The following SHANK2 variants were observed in gnomAD, a reference collection of about 807,000 sequenced individuals.
SHANK2 encodes SH3 and multiple ankyrin repeat domains 2, also known as SH3 and multiple ankyrin repeat domains protein 2.
SHANK2 carries 43 observed loss-of-function variants against 133.7 expected under a neutral mutation model. The observed-to-expected ratio is 0.32, with a 90% CI of 0.25 to 0.41. The LOEUF (loss-of-function observed/expected upper bound fraction) is 0.41, where lower values mean the gene tolerates loss of function less well. SHANK2 is among the 10% of genes least tolerant of loss of function. The pLI, the probability that SHANK2 is intolerant of heterozygous loss-of-function variation, is 1.00. For synonymous variants in SHANK2, 1,017 were observed against 952.8 expected (o/e 1.07, Z -1.24); for missense variants, 1,994 against 2,235.8 (o/e 0.89, Z 2.18).
intron 14 of SHANK2, among the ~76,000 whole-genome samples, chr11:70,796,494 G>A (rs1947917656): frequency 6.6e-6 from 1 of 152,218 alleles, no homozygotes; most frequent in South Asian, 2.1e-4. Flanking sequence ...GAGGAGTGGT[G>A]GCTGCTCAGG....
At chr11:70,523,255 G>A (rs2135938077) in intron 17 of SHANK2, among the ~76,000 whole-genome samples, 1 of 152,330 alleles carries the variant, frequency 6.6e-6, no homozygotes, top group East Asian at 1.9e-4. Context: ...AATGCGACTG[G>A]TTACAAATAC....
At position 70,472,681 on chromosome 11, in the gene SHANK2, C is replaced by T. The variant is rs900396278; in HGVS notation, c.*188G>A. 3 of 638,896 alleles carry T rather than the reference C, an allele frequency of 4.7e-6. No individual in the cohort carries two copies. The highest frequency in any genetic ancestry group is 3.7e-5 in the South Asian group (2 of 54,454). The allele number at this position is 638,896 out of a possible 1,614,324, so 39.6% of individuals were successfully genotyped here. The stretch of plus-strand genomic sequence containing the variant: ...TGATAGAAACTGCCCAAGACACCCA[C>T]ATGGTGAGCCAGGGGTCTGAAGACC... On this transcript the variant is annotated 3_prime_UTR_variant, in exon 26 of 26. Coordinates refer to ENST00000601538, the MANE Select transcript of SHANK2 (RefSeq NM_012309.5). This position sits in a 1 kb window ranked among gnomAD's most constrained non-coding sequence, Gnocchi z 4.4.
At chr11:70,908,129 G>A in intron 10 of SHANK2, 1 of 266,778 alleles carries the variant, frequency 3.7e-6, no homozygotes. Flanking sequence ...TAATAAACTG[G>A]GAAGAAAAGT....
intron 17 of SHANK2, among the ~76,000 whole-genome samples, chr11:70,543,314 G>C (rs1033432839): frequency 6.6e-6 from 1 of 152,124 alleles, no homozygotes; most frequent in African/African-American, 2.4e-5. Flanking sequence ...CTGGTGGCTG[G>C]GGGTCCCTAG....
chr11:70,933,942 A>G (rs1565414306), intron 10 of SHANK2, among the ~76,000 whole-genome samples: 1 of 150,274 alleles, frequency 6.7e-6, no homozygotes, highest in African/African-American at 2.5e-5. Flanking sequence ...AACAAACAAA[A>G]CAACAACAGC....
At chr11:71,107,339 C>T (rs1375018660) in intron 6 of SHANK2, among the ~76,000 whole-genome samples, 4 of 152,136 alleles carry the variant, frequency 2.6e-5, no homozygotes, top group Non-Finnish European at 5.9e-5. Flanking sequence ...TCTGCCTTTG[C>T]TGGAGACCCT....
chr11:71,185,928 T>G (rs1555114409), intron 2 of SHANK2, among the ~76,000 whole-genome samples: 1 of 152,118 alleles, frequency 6.6e-6, no homozygotes. Context: ...ATTAACAGTC[T>G]TGCCTGTCTC....
chr11:71,107,487 A>G (rs1454467916), intron 6 of SHANK2, among the ~76,000 whole-genome samples: 2 of 152,172 alleles, frequency 1.3e-5, no homozygotes, highest in East Asian at 1.9e-4. Context: ...CATCGTGGGA[A>G]TATTTCAGAA....
chr11:70,783,839 G>C (rs1555045784), intron 14 of SHANK2, among the ~76,000 whole-genome samples: 1 of 152,216 alleles, frequency 6.6e-6, no homozygotes, highest in East Asian at 1.9e-4. Flanking sequence ...GCACCAAACA[G>C]GATCCTCCCA....
At chr11:70,524,922 T>C (rs1360339709) in intron 17 of SHANK2, among the ~76,000 whole-genome samples, 1 of 152,354 alleles carries the variant, frequency 6.6e-6, no homozygotes, top group East Asian at 1.9e-4. Context: ...TGGCAGGTCT[T>C]TGTGGAGTGT....
chr11:70,941,492 T>C (rs1298868687), intron 10 of SHANK2, among the ~76,000 whole-genome samples: 7 of 152,168 alleles, frequency 4.6e-5, no homozygotes, highest in African/African-American at 1.7e-4. Context: ...AAATTGTGTG[T>C]CCCCTCCCAA....
chr11:71,249,509 A>G (rs1284976912), intron 1 of SHANK2, among the ~76,000 whole-genome samples: 1 of 152,176 alleles, frequency 6.6e-6, no homozygotes, highest in East Asian at 1.9e-4. Flanking sequence ...GACTCCAGGT[A>G]CAACAGCCCC....
At chr11:70,579,224 G>A (rs1353308153) in intron 17 of SHANK2, among the ~76,000 whole-genome samples, 2 of 152,192 alleles carry the variant, frequency 1.3e-5, no homozygotes, top group Admixed American at 1.3e-4. Context: ...TGGGCGTGGG[G>A]CATCATATTT....
chr11:70,714,898 T>A (rs193101195), intron 14 of SHANK2, among the ~76,000 whole-genome samples: 1 of 152,158 alleles, frequency 6.6e-6, no homozygotes, highest in Non-Finnish European at 1.5e-5. Flanking sequence ...CTTGAACTTC[T>A]GGGCTCAAGC....
chr11:71,131,356 C>T (rs1363050313), intron 3 of SHANK2, among the ~76,000 whole-genome samples: 4 of 152,118 alleles, frequency 2.6e-5, no homozygotes, highest in African/African-American at 7.2e-5. Flanking sequence ...ACAGCCTAGT[C>T]GGGGGGTGCT....
At chr11:70,640,352 G>A (rs191069396) in intron 17 of SHANK2, among the ~76,000 whole-genome samples, 7 of 152,300 alleles carry the variant, frequency 4.6e-5, no homozygotes, top group Admixed American at 3.9e-4. Context: ...AGGCAGAGAC[G>A]AGCGACGCAG....
chr11:70,580,705 C>G (rs2060173267), intron 17 of SHANK2, among the ~76,000 whole-genome samples: 1 of 152,250 alleles, frequency 6.6e-6, no homozygotes, highest in Admixed American at 6.5e-5. Context: ...GAGGCCGCTT[C>G]CCCGCTGCTG....
intron 14 of SHANK2, among the ~76,000 whole-genome samples, chr11:70,712,720 TTCCTCGCTCGGCTAAAAGC>T (rs1945817427): frequency 6.6e-6 from 1 of 152,164 alleles, no homozygotes; most frequent in African/African-American, 2.4e-5. Context: ...AGCACGATGG[TTCCTCGCTCGGCTAAAAGC>T]GCCCAGCTCT....
intron 16 of SHANK2, among the ~76,000 whole-genome samples, chr11:70,661,273 C>G (rs531463103): frequency 6.6e-6 from 1 of 152,204 alleles, no homozygotes; most frequent in East Asian, 1.9e-4. Flanking sequence ...AAATACTGAC[C>G]ACCCCATCAT....
Sources: gnomAD v4.1 joint callset for allele counts (sites outside exome capture counted in the v4.1 genomes callset) on GRCh38, gnomAD v4.1.1 for gene constraint, Gnocchi (gnomAD v3.1) non-coding constraint, MANE v1.5 for transcripts, NCBI Gene and HGNC (gene_info 2026-07-23, HGNC 2026-07-21) for gene names.